PARD3B: variants seen among roughly 807,000 people sequenced by gnomAD.
PARD3B encodes partitioning defective 3 homolog B.
In PARD3B, 103 loss-of-function variants were observed where a neutral mutation model predicts 130.2. The ratio of observed to expected loss-of-function variants is 0.79; its 90% confidence interval spans 0.67 to 0.93. PARD3B has a LOEUF of 0.93. PARD3B is among the 40% of genes least tolerant of loss of function. The pLI is 0.00. For missense variants in PARD3B, 1,609 were observed against 1,499.2 expected, an observed-to-expected ratio of 1.07 and a Z score of -1.21; for synonymous variants, 583 against 553.2, an observed-to-expected ratio of 1.05 and a Z score of -0.76.
intron 1 of PARD3B, among the ~76,000 whole-genome samples, chr2:204,641,281 G>C (rs1202280911): frequency 2.0e-5 from 3 of 151,126 alleles, no homozygotes; most frequent in Non-Finnish European, 2.9e-5. Flanking sequence ...CAGGCATTTG[G>C]TTGGAACTTC....
At chr2:204,792,689 G>C (rs1001719030) in intron 2 of PARD3B, among the ~76,000 whole-genome samples, 1 of 151,906 alleles carries the variant, frequency 6.6e-6, no homozygotes, top group Non-Finnish European at 1.5e-5. Context: ...TTCAAATATT[G>C]TACCTAAAAT....
rs2052593567 is a variant in PARD3B, at chr2:205,550,923, A to ATT, written c.3181-2400_3181-2399insTT. On this transcript the variant is annotated intron_variant, in intron 21 of 22. Coordinates refer to ENST00000406610, the MANE Select transcript of PARD3B (RefSeq NM_001302769.2). The surrounding 1 kb of genome is among the most constrained non-coding windows in gnomAD (Gnocchi z 4.5). ...AATCATGTTATAAATACATATAATT[A>ATT]TGTGTGTGTGTGTGTGTGTATATAT... 7.4e-6 allele frequency among the ~76,000 whole-genome samples: 1 copy of ATT among 135,058 alleles called. No homozygotes were observed. The highest frequency in any genetic ancestry group is 2.9e-5 in the African/African-American group (1 of 35,032). The allele number at this position is 135,058 out of a possible 152,430, so 88.6% of individuals were successfully genotyped here. A position where few individuals can be genotyped will look rare whatever the true frequency, so the allele number is the denominator to read the frequency against.
At chr2:204,726,563 A>T (rs1574826453) in intron 2 of PARD3B, among the ~76,000 whole-genome samples, 1 of 152,098 alleles carries the variant, frequency 6.6e-6, no homozygotes, top group African/African-American at 2.4e-5. Context: ...CTAACCTTTT[A>T]CCTCTTAGTC....
intron 8 of PARD3B, among the ~76,000 whole-genome samples, chr2:205,123,278 C>A (rs575952044): frequency 6.6e-6 from 1 of 152,254 alleles, no homozygotes; most frequent in African/African-American, 2.4e-5. Context: ...GAGCAAGTTG[C>A]ATAATGGAGA....
chr2:205,044,523 T>C (rs570233253), intron 3 of PARD3B, among the ~76,000 whole-genome samples: 24 of 150,872 alleles, frequency 1.6e-4, no homozygotes, highest in Middle Eastern at 3.4e-3. Context: ...TGGTATCTCA[T>C]TGTGGTTTTG....
chr2:204,718,455 C>T (rs1033245397), intron 2 of PARD3B, among the ~76,000 whole-genome samples: 1 of 152,088 alleles, frequency 6.6e-6, no homozygotes. Context: ...GGGGAAACCA[C>T]CGCTTACAAA....
intron 1 of PARD3B, among the ~76,000 whole-genome samples, chr2:204,574,163 C>T (rs377659576): frequency 6.6e-6 from 1 of 152,124 alleles, no homozygotes; most frequent in African/African-American, 2.4e-5. Context: ...CAAGTTGGAG[C>T]TGTTTAAGAA....
intron 10 of PARD3B, among the ~76,000 whole-genome samples, chr2:205,127,389 T>C (rs976884623): frequency 2.0e-5 from 3 of 152,060 alleles, no homozygotes; most frequent in South Asian, 2.1e-4. Context: ...AAAGGACTTG[T>C]ATTTACTCCT....
In PARD3B at chr2:205,530,970, A is replaced by G. The variant is rs2051564237; in HGVS notation, c.3181-22354A>G. On this transcript the variant is annotated intron_variant, in intron 21 of 22. Coordinates refer to ENST00000406610, the MANE Select transcript of PARD3B (RefSeq NM_001302769.2). The surrounding 1 kb of genome is among the most constrained non-coding windows in gnomAD (Gnocchi z 4.7). ...GGAGAGGGGTTGTGATCTGAAAGGT[A>G]AGATTTCAATATCTGTATGTAGACT... is the stretch of plus-strand genomic sequence containing the variant. Among the ~76,000 whole-genome samples the G allele has an allele frequency of 6.6e-6, 1 of 152,204 alleles. No homozygotes were observed. Among genetic ancestry groups the G allele is most frequent in the Non-Finnish European group, 1.5e-5 (1 of 68,044 alleles).
At chr2:205,588,309 T>C (rs1334253137) in intron 22 of PARD3B, among the ~76,000 whole-genome samples, 1 of 152,222 alleles carries the variant, frequency 6.6e-6, no homozygotes, top group Non-Finnish European at 1.5e-5. Context: ...AAAATCATGA[T>C]TGAGATGACA....
Position 205,276,714 on chromosome 2 carries a change from G to T in PARD3B, c.2186-23816G>T, listed in dbSNP as rs570027687. On this transcript the variant is annotated intron_variant, in intron 16 of 22. Transcript: ENST00000406610. This position sits in a 1 kb window ranked among gnomAD's most constrained non-coding sequence, Gnocchi z 5.0. ...GAGCTTCCTGTGAAATCTATAGGAGGAGAAGCCCAAGGGACTCTGGCTGTT... is the reference window on the plus strand; with the variant it reads ...GAGCTTCCTGTGAAATCTATAGGAGTAGAAGCCCAAGGGACTCTGGCTGTT... Among the ~76,000 whole-genome samples, 5 of 152,278 alleles carry T rather than the reference G, an allele frequency of 3.3e-5. No individual in the cohort carries two copies. In the South Asian group the frequency reaches 1.0e-3, roughly 32 times the overall value.
At position 205,077,060 on chromosome 2, in the gene PARD3B, A is replaced by G. The variant is rs1389980916; in HGVS notation, c.505-27366A>G. On this transcript the variant is annotated intron_variant, in intron 4 of 22. Transcript: ENST00000406610. ...ATTAATAGCAACAAAGTTGCCCCTG[A>G]ATCCGGTCCACCAATCACACATCGT... Among the ~76,000 whole-genome samples, 4 of 152,162 alleles carry G rather than the reference A, an allele frequency of 2.6e-5. No homozygotes were observed. The South Asian group carries it at 6.2e-4, about 24-fold the overall frequency.
At chr2:204,756,088 T>C (rs16836579) in intron 2 of PARD3B, among the ~76,000 whole-genome samples, 7,084 of 152,182 alleles carry the variant, frequency 0.047, 237 homozygotes, top group East Asian at 0.15. Context: ...GTCAAAATTG[T>C]GACTAGGATG....
intron 3 of PARD3B, among the ~76,000 whole-genome samples, chr2:205,045,119 T>G (rs1376838941): frequency 6.6e-6 from 1 of 151,518 alleles, no homozygotes; most frequent in Non-Finnish European, 1.5e-5. Flanking sequence ...AAAGTTTTTT[T>G]TTTTTTTTTA....
intron 21 of PARD3B, among the ~76,000 whole-genome samples, chr2:205,526,491 G>A (rs1055519632): frequency 6.6e-6 from 1 of 152,094 alleles, no homozygotes; most frequent in Non-Finnish European, 1.5e-5. Flanking sequence ...CAGCAGCTCT[G>A]GGGCCTCAGT....
At chr2:204,952,593 T>G (rs1689867680) in intron 2 of PARD3B, among the ~76,000 whole-genome samples, 1 of 151,920 alleles carries the variant, frequency 6.6e-6, no homozygotes, top group Admixed American at 6.6e-5. Context: ...ATACTTAAAA[T>G]AAAAAGTACT....
intron 2 of PARD3B, among the ~76,000 whole-genome samples, chr2:204,836,372 C>T (rs999623581): frequency 6.6e-6 from 1 of 151,918 alleles, no homozygotes; most frequent in Non-Finnish European, 1.5e-5. Flanking sequence ...CTAAAAGTAC[C>T]TTTAAATTGG....
At chr2:205,050,148 G>T (rs1035234950) in intron 4 of PARD3B, among the ~76,000 whole-genome samples, 3 of 149,916 alleles carry the variant, frequency 2.0e-5, no homozygotes, top group Non-Finnish European at 4.4e-5. Context: ...AAAGTTCTTA[G>T]AAATTAACCA....
chr2:205,567,319 T>C (rs1375273374), intron 22 of PARD3B, among the ~76,000 whole-genome samples: 3 of 122,902 alleles, frequency 2.4e-5, no homozygotes, highest in African/African-American at 9.3e-5. Context: ...TTTTTTTTTT[T>C]TTTTTTTTTT....
Sources: allele counts gnomAD v4.1 joint callset (sites outside exome capture counted in the v4.1 genomes callset), GRCh38; gene constraint gnomAD v4.1.1; non-coding constraint Gnocchi (gnomAD v3.1); transcripts MANE v1.5; gene names NCBI Gene and HGNC (gene_info 2026-07-23, HGNC 2026-07-21).